ICA1: variants seen among roughly 807,000 people sequenced by gnomAD.
ICA1 encodes the protein 69 kDa islet cell autoantigen.
A neutral mutation model predicts 71.0 loss-of-function variants in ICA1; 40 were observed. The ratio of observed to expected loss-of-function variants is 0.56; its 90% CI spans 0.44 to 0.73. The LOEUF (loss-of-function observed/expected upper bound fraction) is 0.73. ICA1 is among the 30% of genes least tolerant of loss of function. The pLI is 0.00. For synonymous variants in ICA1, 207 were observed against 209.5 expected (o/e 0.99, Z 0.10); for missense variants, 578 against 576.5 (o/e 1.00, Z -0.03).
rs751569452 is a variant in ICA1 at position 8,132,528 on chromosome 7, T to G, written c.1061-4386A>C. Reference sequence around the variant, plus strand: ...GCTCTCTTGAAGGTCAGCAGTGAGATCCTCATTGCCAGTTCTGAGGCTCTT... The same window carrying G: ...GCTCTCTTGAAGGTCAGCAGTGAGAGCCTCATTGCCAGTTCTGAGGCTCTT... On this transcript the variant is annotated intron_variant, in intron 12 of 13. Coordinates refer to ENST00000402384, the MANE Select transcript of ICA1 (RefSeq NM_001136020.3). This position sits in a 1 kb window ranked among gnomAD's most constrained non-coding sequence, Gnocchi z 4.5. 2.0e-5 allele frequency among the ~76,000 whole-genome samples: 3 copies of G among 152,214 alleles called. No homozygotes were observed. Among genetic ancestry groups the G allele is most frequent in the African/African-American group, 7.2e-5 (3 of 41,450 alleles).
At chr7:8,227,893 A>G (rs1271226455) in intron 4 of ICA1, 1 of 446,676 alleles carries the variant, frequency 2.2e-6, no homozygotes, top group Admixed American at 2.5e-5. Flanking sequence ...GCCTACCAAA[A>G]TGATTGTCTT....
intron 3 of ICA1, among the ~76,000 whole-genome samples, chr7:8,230,033 C>T (rs1799781701): frequency 6.6e-6 from 1 of 152,188 alleles, no homozygotes; most frequent in Admixed American, 6.5e-5. Context: ...CTGGAGTGTT[C>T]AGTTCTGTGA....
chr7:8,233,385 A>G (rs1415311662), intron 2 of ICA1, among the ~76,000 whole-genome samples: 2 of 141,038 alleles, frequency 1.4e-5, no homozygotes, highest in Non-Finnish European at 3.1e-5. Flanking sequence ...CATGGTGCTT[A>G]TTCTTGGTAT....
At chr7:8,131,139 A>G (rs2128085441) in intron 12 of ICA1, among the ~76,000 whole-genome samples, 1 of 152,292 alleles carries the variant, frequency 6.6e-6, no homozygotes, top group South Asian at 2.1e-4. Context: ...TCCAAGCTCT[A>G]AAGATGCAAA....
chr7:8,165,688 A>G (rs1485983758), intron 6 of ICA1, among the ~76,000 whole-genome samples: 1 of 26,092 alleles, frequency 3.8e-5, no homozygotes, highest in Non-Finnish European at 8.0e-5. Flanking sequence ...TAAAATATAA[A>G]ATCAATTATA....
intron 6 of ICA1, among the ~76,000 whole-genome samples, chr7:8,215,776 T>A (rs1438909286): frequency 6.6e-6 from 1 of 152,168 alleles, no homozygotes; most frequent in Non-Finnish European, 1.5e-5. Context: ...TCAGGATTCA[T>A]CCTTTAAGAC....
At chr7:8,196,164 T>C (rs1490269480) in intron 6 of ICA1, among the ~76,000 whole-genome samples, 5 of 152,204 alleles carry the variant, frequency 3.3e-5, no homozygotes, top group African/African-American at 1.2e-4. Context: ...CAATGAAATA[T>C]TATTTAGTAC....
chr7:8,185,635 G>C (rs555255699), intron 6 of ICA1, among the ~76,000 whole-genome samples: 3 of 152,306 alleles, frequency 2.0e-5, no homozygotes, highest in African/African-American at 7.2e-5. Context: ...GAGTGAAAAG[G>C]TTAAGAGCAT....
At chr7:8,211,281 G>A (rs950196330) in intron 6 of ICA1, among the ~76,000 whole-genome samples, 4 of 152,118 alleles carry the variant, frequency 2.6e-5, no homozygotes, top group African/African-American at 7.2e-5. Context: ...TTATCTGAGA[G>A]CTTGCCTTGT....
At chr7:8,202,118 C>T (rs188946229) in intron 6 of ICA1, among the ~76,000 whole-genome samples, 2 of 152,318 alleles carry the variant, frequency 1.3e-5, no homozygotes, top group African/African-American at 4.8e-5. Flanking sequence ...TTTTGATTGA[C>T]TCAACATTTA....
intron 3 of ICA1, among the ~76,000 whole-genome samples, chr7:8,231,495 A>C (rs903077737): frequency 1.3e-5 from 2 of 152,136 alleles, no homozygotes; most frequent in African/African-American, 2.4e-5. Context: ...CTTAGCCATC[A>C]CTCTGTTACC....
intron 5 of ICA1, among the ~76,000 whole-genome samples, chr7:8,220,897 A>G (rs1340523141): frequency 4.0e-5 from 6 of 151,892 alleles, no homozygotes; most frequent in African/African-American, 1.5e-4. Flanking sequence ...CAGAGAGGGA[A>G]CCCTTCAACC....
chr7:8,170,112 C>T (rs1807739954), intron 6 of ICA1, among the ~76,000 whole-genome samples: 1 of 151,892 alleles, frequency 6.6e-6, no homozygotes, highest in Admixed American at 6.6e-5. Flanking sequence ...ATACGGATAC[C>T]CAATAGTCCA....
At chr7:8,257,784 C>A (rs1405017062) in intron 1 of ICA1, among the ~76,000 whole-genome samples, 2 of 152,186 alleles carry the variant, frequency 1.3e-5, no homozygotes, top group Non-Finnish European at 2.9e-5. Context: ...AGAATCAGTC[C>A]TGTGCTTACA....
intron 1 of ICA1, among the ~76,000 whole-genome samples, chr7:8,244,387 C>T (rs566922098): frequency 9.8e-5 from 15 of 152,322 alleles, no homozygotes; most frequent in African/African-American, 3.4e-4. Flanking sequence ...CCCTTCCTTA[C>T]ACTTTATACA....
intron 1 of ICA1, among the ~76,000 whole-genome samples, chr7:8,242,562 G>A (rs1383100091): frequency 1.3e-5 from 2 of 152,128 alleles, no homozygotes; most frequent in Admixed American, 6.6e-5. Flanking sequence ...AAATAACTAA[G>A]ATCAGAGCAG....
At chr7:8,253,269 TA>T in intron 1 of ICA1, among the ~76,000 whole-genome samples, 1 of 152,348 alleles carries the variant, frequency 6.6e-6, no homozygotes, top group African/African-American at 2.4e-5. Context: ...AAATCATATG[TA>T]TCTTCTTTTG....
chr7:8,146,880 ACG>A lies in ICA1; in HGVS notation c.805-2910_805-2909del, dbSNP rs1245089896. Reference sequence around the variant, plus strand: ...TGTACACACACACACACACACACACACGCACACACACACACACACACACACAC... The same window carrying A: ...TGTACACACACACACACACACACACACACACACACACACACACACACACAC... On this transcript the variant is annotated intron_variant, in intron 8 of 13. Coordinates refer to ENST00000402384, the MANE Select transcript of ICA1 (RefSeq NM_001136020.3). Among the ~76,000 whole-genome samples, 174 of 80,780 alleles carry A rather than the reference ACG, an allele frequency of 2.2e-3. 1 individual carries two copies. The highest frequency in any genetic ancestry group is 4.0e-3 in the African/African-American group (127 of 32,144). 53.0% of individuals were successfully genotyped at this position (80,780 alleles called of 152,430 possible).
chr7:8,150,156 C>T (rs1302002802), intron 8 of ICA1, among the ~76,000 whole-genome samples: 1 of 152,140 alleles, frequency 6.6e-6, no homozygotes, highest in Non-Finnish European at 1.5e-5. Context: ...GTCCTGGAAA[C>T]AAATGGACTT....
Sources: allele counts gnomAD v4.1 joint callset (sites outside exome capture counted in the v4.1 genomes callset), GRCh38; gene constraint gnomAD v4.1.1; non-coding constraint Gnocchi (gnomAD v3.1); transcripts MANE v1.5; gene names NCBI Gene and HGNC (gene_info 2026-07-23, HGNC 2026-07-21).